Variants in OTOA observed in about 807,000 individuals in gnomAD.
OTOA encodes the protein otoancorin.
In OTOA, 70 loss-of-function variants were observed where a neutral mutation model predicts 110.8. The observed-to-expected ratio is 0.63, with a 90% CI of 0.52 to 0.77. The LOEUF is 0.77. OTOA is among the 30% of genes least tolerant of loss of function. OTOA has a pLI of 0.00. For missense variants in OTOA, 917 were observed against 1,075.8 expected (o/e 0.85, Z 2.06); for synonymous variants, 373 against 431.5 (o/e 0.86, Z 1.68).
chr16:21,684,214 C>A (rs1377536586), intron 6 of OTOA, among the ~76,000 whole-genome samples: 1 of 152,032 alleles, frequency 6.6e-6, no homozygotes, highest in Non-Finnish European at 1.5e-5. Flanking sequence ...TTAAGTAACT[C>A]GTCCAAGCCA....
At chr16:21,671,418 C>T (rs1002336089) in intron 1 of OTOA, among the ~76,000 whole-genome samples, 4 of 151,432 alleles carry the variant, frequency 2.6e-5, no homozygotes, top group African/African-American at 9.7e-5. Flanking sequence ...GGGAGCCTGT[C>T]TCTACTAAAA....
In OTOA at chr16:21,710,023, A is replaced by T. The variant is rs760696070; in HGVS notation, c.1240A>T (p.Ile414Phe). 10 of 1,614,106 alleles carry T rather than the reference A, an allele frequency of 6.2e-6. No homozygotes were observed. The highest frequency in any genetic ancestry group is 8.5e-6 in the Non-Finnish European group (10 of 1,179,994). ...SLSPEAVHGA[I>F]STLNQVSGWA... ...CTCCCCCGAGGCTGTGCACGGAGCC[A>T]TCTCCACCCTCAACCAGGTCTCAGG... Residue 414 changes from isoleucine (I) to phenylalanine (F), a missense_variant, in exon 13 of 29, where the codon ATC becomes TTC. Ile to Phe is a conservative substitution (Grantham distance 21, BLOSUM62 0). This residue lies in a region of OTOA where 840 missense variants were observed against 910.2 expected (regional missense o/e 0.92). Transcript: ENST00000646100.
At chr16:21,695,891 A>ATATATATATATATATATATGTATTTT (rs569493650) in intron 9 of OTOA, among the ~76,000 whole-genome samples, 2 of 41,904 alleles carry the variant, frequency 4.8e-5, no homozygotes, top group African/African-American at 2.9e-4. Context: ...ATATATATAT[A>ATATATATATATATATATATGTATTTT]TTTTTTTTTT....
At position 21,714,981 on chromosome 16, in the gene OTOA, C is replaced by A. The variant is rs1898505208; in HGVS notation, c.1321-4C>A. The A allele has an allele frequency of 6.2e-7, 1 of 1,614,012 alleles. No homozygotes were observed. The highest frequency in any genetic ancestry group is 8.5e-7 in the Non-Finnish European group (1 of 1,180,004). The stretch of plus-strand genomic sequence containing the variant: ...GCCTGACTGCGCAGCCGCTCCTCTT[C>A]CAGGTGCTGTCTTTCTACAATGTCA... On this transcript the variant is annotated splice_polypyrimidine_tract_variant and splice_region_variant and intron_variant, in intron 13 of 28. Coordinates refer to ENST00000646100, the MANE Select transcript of OTOA (RefSeq NM_144672.4).
At chr16:21,722,754 C>T in intron 17 of OTOA, 151 bp from the exon 18 acceptor site, 3 of 721,308 alleles carry the variant, frequency 4.2e-6, no homozygotes, top group Non-Finnish European at 7.6e-6. Context: ...CATCCATAAA[C>T]TGGGCACAGT....
intron 8 of OTOA, among the ~76,000 whole-genome samples, chr16:21,688,408 C>A: frequency 6.6e-6 from 1 of 151,298 alleles, no homozygotes. Flanking sequence ...AACAAACAAA[C>A]AAAAAACAAA....
chr16:21,723,860 G>A (rs1215390794), intron 18 of OTOA, among the ~76,000 whole-genome samples: 1 of 152,140 alleles, frequency 6.6e-6, no homozygotes. Context: ...ATAGAAAAAT[G>A]TTCTCTTCCC....
chr16:21,716,463 C>T (rs543712257), intron 14 of OTOA, among the ~76,000 whole-genome samples: 42 of 151,930 alleles, frequency 2.8e-4, no homozygotes, highest in African/African-American at 7.5e-4. Context: ...CCCAGCTACT[C>T]GGGAGGCTGA....
At chr16:21,684,165 A>G (rs1475747698) in intron 6 of OTOA, among the ~76,000 whole-genome samples, 1 of 152,122 alleles carries the variant, frequency 6.6e-6, no homozygotes, top group Admixed American at 6.6e-5. Flanking sequence ...CGAAATTCAA[A>G]TTTAACTGAG....
intron 1 of OTOA, among the ~76,000 whole-genome samples, chr16:21,664,770 G>C (rs1174400071): frequency 6.6e-6 from 1 of 151,972 alleles, no homozygotes; most frequent in Non-Finnish European, 1.5e-5. Context: ...CCAGGAGTTC[G>C]AGACCAGCCT....
intron 1 of OTOA, among the ~76,000 whole-genome samples, chr16:21,671,589 AAAAAAAAAAAAGAAAAAAGAAAAAAG>A (rs1966849177): frequency 6.7e-6 from 1 of 148,768 alleles, no homozygotes; most frequent in African/African-American, 2.5e-5. Context: ...TCCATATCAA[AAAAAAAAAAAAGAAAAAAGAAAAAAG>A]AAAAAAAAAA....
intron 12 of OTOA, chr16:21,705,518 A>C: frequency 1.5e-6 from 1 of 660,302 alleles, no homozygotes; most frequent in Admixed American, 3.0e-5. Flanking sequence ...TTTAATCAGA[A>C]AGCTGTCTCA....
intron 7 of OTOA, among the ~76,000 whole-genome samples, chr16:21,686,306 AG>A (rs1897710934): frequency 6.8e-6 from 1 of 146,736 alleles, no homozygotes; most frequent in Non-Finnish European, 1.5e-5. Flanking sequence ...TTTTTTTCTT[AG>A]AGACAGGGGC....
At chr16:21,732,483 C>T (rs1408552248) in intron 21 of OTOA, among the ~76,000 whole-genome samples, 1 of 152,008 alleles carries the variant, frequency 6.6e-6, no homozygotes, top group Non-Finnish European at 1.5e-5. Flanking sequence ...TATCCCTTGG[C>T]CCCTCCCACT....
chr16:21,725,329 G>A (rs1235656562), intron 18 of OTOA, among the ~76,000 whole-genome samples: 1 of 152,102 alleles, frequency 6.6e-6, no homozygotes, highest in African/African-American at 2.4e-5. Flanking sequence ...CTGTCACCCA[G>A]GTTGGAGTGC....
intron 6 of OTOA, among the ~76,000 whole-genome samples, chr16:21,684,155 C>T (rs943379823): frequency 1.3e-5 from 2 of 151,924 alleles, no homozygotes; most frequent in African/African-American, 4.8e-5. Context: ...TAGTTTTTCC[C>T]GAAATTCAAA....
At chr16:21,711,942 G>T (rs560027495) in intron 13 of OTOA, among the ~76,000 whole-genome samples, 1 of 152,326 alleles carries the variant, frequency 6.6e-6, no homozygotes, top group Admixed American at 6.5e-5. Context: ...ACTACCAGAT[G>T]TTTAACAAGC....
At chr16:21,692,927 C>CAAAAAAAAAAAAAAAAAAA (rs34170544) in intron 9 of OTOA, among the ~76,000 whole-genome samples, 1 of 97,100 alleles carries the variant, frequency 1.0e-5, no homozygotes, top group African/African-American at 4.2e-5. Context: ...GACTCTGTCT[C>CAAAAAAAAAAAAAAAAAAA]AAAAAAAAAA....
At chr16:21,678,979 C>T (rs1170535412) in intron 3 of OTOA, 36 bp downstream of exon 3, 5 of 1,613,676 alleles carry the variant, frequency 3.1e-6, no homozygotes, top group Non-Finnish European at 4.2e-6. Flanking sequence ...AGAGTCCCCT[C>T]TACTGGAATT....
Sources: gnomAD v4.1 joint callset for allele counts (sites outside exome capture counted in the v4.1 genomes callset) on GRCh38, gnomAD v4.1.1 for gene constraint, gnomAD v4.1.1 regional missense constraint, MANE v1.5 for transcripts, NCBI Gene and HGNC (gene_info 2026-07-23, HGNC 2026-07-21) for gene names.